Variants in HNRNPC observed in about 807,000 individuals in gnomAD.
The protein encoded by HNRNPC is heterogeneous nuclear ribonucleoprotein C, also known as heterogeneous nuclear ribonucleoproteins C1/C2.
Under a neutral mutation model 33.2 loss-of-function variants are expected in HNRNPC, and 3 were observed. That is an observed-to-expected ratio of 0.09 (90% CI 0.04 to 0.23). The LOEUF is 0.23. Among genes scored for constraint, HNRNPC ranks in the 10% least tolerant of loss-of-function variants. The pLI, the probability that HNRNPC is intolerant of heterozygous loss-of-function variation, is 1.00. For missense variants in HNRNPC, 143 were observed against 366.7 expected (o/e 0.39, Z 4.98); for synonymous variants, 121 against 126.7 (o/e 0.96, Z 0.30).
chr14:21,247,527 AT>A (rs746291516), intron 2 of HNRNPC, among the ~76,000 whole-genome samples: 16 of 152,156 alleles, frequency 1.1e-4, no homozygotes, highest in Non-Finnish European at 2.2e-4. Flanking sequence ...TTAGTTTTCT[AT>A]TTTTTGTACC....
chr14:21,255,464 G>C (rs541658951), intron 2 of HNRNPC, among the ~76,000 whole-genome samples: 31 of 152,168 alleles, frequency 2.0e-4, no homozygotes, highest in Non-Finnish European at 3.2e-4. Context: ...GTTGATACAG[G>C]CAACACGGTA....
At chr14:21,247,934 T>G (rs898992885) in intron 2 of HNRNPC, among the ~76,000 whole-genome samples, 1 of 151,250 alleles carries the variant, frequency 6.6e-6, no homozygotes, top group Non-Finnish European at 1.5e-5. Flanking sequence ...GAGGTTGCAG[T>G]GAGCCGAGAT....
chr14:21,214,594 GA>G (rs34990037), intron 5 of HNRNPC, among the ~76,000 whole-genome samples: 7,725 of 152,102 alleles, frequency 0.051, 458 homozygotes, highest in Admixed American at 0.18. Flanking sequence ...AAAGAAAACA[GA>G]AAAAAGTTTG....
chr14:21,262,668 T>C (rs1202196264), intron 2 of HNRNPC: 1 of 152,396 alleles, frequency 6.6e-6, no homozygotes, highest in Non-Finnish European at 1.5e-5. Context: ...TGGCTGCTGC[T>C]GCTCCAGGCT....
intron 2 of HNRNPC, among the ~76,000 whole-genome samples, chr14:21,246,879 C>T (rs1313367698): frequency 6.6e-6 from 1 of 152,208 alleles, no homozygotes. Flanking sequence ...TTTACTTCTA[C>T]TTAACAAAGT....
At chr14:21,254,719 A>C (rs924436023) in intron 2 of HNRNPC, 3 of 150,834 alleles carry the variant, frequency 2.0e-5, no homozygotes, top group African/African-American at 7.5e-5. Context: ...CAGCCTGGCC[A>C]GCATGGTGAA....
intron 5 of HNRNPC, among the ~76,000 whole-genome samples, chr14:21,219,785 C>T (rs1892622406): frequency 6.6e-6 from 1 of 152,160 alleles, no homozygotes; most frequent in African/African-American, 2.4e-5. Flanking sequence ...TAAACAACTG[C>T]TTACTTAATA....
intron 1 of HNRNPC, chr14:21,265,129 G>A (rs1016000582): frequency 6.6e-6 from 1 of 152,232 alleles, no homozygotes; most frequent in Non-Finnish European, 1.5e-5. Flanking sequence ...AGGAATGACA[G>A]TTAATTTTTA....
rs1891557621 is a variant in HNRNPC at position 21,211,242 on chromosome 14, T to C, written c.863A>G (p.Asn288Ser). Residue 288 changes from asparagine to serine, a missense_variant, in exon 9 of 9, where the codon AAT becomes AGT. This residue lies in a region of HNRNPC where 131 missense variants were observed against 253.0 expected (regional missense o/e 0.52). Transcript: ENST00000553300. ...ATGTGCTTAAGAGTCATCCTCGCCA[T>C]TGGCGCTGTCTCTGTCATCCTCTCC... ...EEGEDDRDSA[N>S]GEDDS 2 of 1,613,966 alleles carry C rather than the reference T, an allele frequency of 1.2e-6. No homozygotes were observed. Among genetic ancestry groups the C allele is most frequent in the Non-Finnish European group, 1.7e-6 (2 of 1,179,984 alleles).
chr14:21,232,130 G>A (rs1420457934), intron 3 of HNRNPC, among the ~76,000 whole-genome samples: 1 of 152,078 alleles, frequency 6.6e-6, no homozygotes, highest in Non-Finnish European at 1.5e-5. Flanking sequence ...TAACACGTAT[G>A]CCCAGCTACC....
At chr14:21,234,927 T>C (rs1894518327) in intron 2 of HNRNPC, 1 of 146,556 alleles carries the variant, frequency 6.8e-6, no homozygotes, top group Admixed American at 6.8e-5. Flanking sequence ...AAGGCTACTT[T>C]TTATATAACC....
intron 2 of HNRNPC, among the ~76,000 whole-genome samples, chr14:21,261,297 GAATT>G (rs1566648141): frequency 3.3e-5 from 5 of 152,070 alleles, no homozygotes; most frequent in South Asian, 2.1e-4. Context: ...TAAATTTGTA[GAATT>G]AACAAGGAAT....
chr14:21,254,781 C>A (rs888562983), intron 2 of HNRNPC, among the ~76,000 whole-genome samples: 3 of 152,138 alleles, frequency 2.0e-5, no homozygotes, highest in Non-Finnish European at 4.4e-5. Context: ...TGGCAGGCGC[C>A]TGTAATCCCA....
chr14:21,214,417 A>T (rs1430766257), intron 5 of HNRNPC, among the ~76,000 whole-genome samples: 1 of 152,220 alleles, frequency 6.6e-6, no homozygotes, highest in Non-Finnish European at 1.5e-5. Flanking sequence ...CTATTTCAAC[A>T]AAGCAATGTT....
intron 2 of HNRNPC, among the ~76,000 whole-genome samples, chr14:21,238,886 G>A (rs1278919705): frequency 6.6e-6 from 1 of 152,144 alleles, no homozygotes; most frequent in African/African-American, 2.4e-5. Context: ...CAGCTCTTTG[G>A]GAGACTGAGG....
chr14:21,230,257 G>A, intron 5 of HNRNPC, 62 bp downstream of exon 5: 1 of 1,222,418 alleles, frequency 8.2e-7, no homozygotes, highest in Non-Finnish European at 1.2e-6. Context: ...CCACAAACCA[G>A]AAGAACGAAA....
At chr14:21,212,337 T>C (rs1891705756) in intron 6 of HNRNPC, among the ~76,000 whole-genome samples, 1 of 152,060 alleles carries the variant, frequency 6.6e-6, no homozygotes. Flanking sequence ...ATATTTCCAG[T>C]TACAGGAGGA....
At position 21,225,776 on chromosome 14, in the gene HNRNPC, T is replaced by A. The variant is rs1326409959; in HGVS notation, c.365+4543A>T. Among the ~76,000 whole-genome samples the A allele has an allele frequency of 2.0e-5, 3 of 152,264 alleles. No individual in the cohort carries two copies. The East Asian group carries it at 5.8e-4, about 29-fold the overall frequency. Reference sequence around the variant, plus strand: ...TTCACATACCATAAAATTCACCATTTAAAAGGGTGCCACTCCGTGGTTTTT... The same window carrying A: ...TTCACATACCATAAAATTCACCATTAAAAAGGGTGCCACTCCGTGGTTTTT... On this transcript the variant is annotated intron_variant, in intron 5 of 8. Transcript: ENST00000553300.
At chr14:21,238,921 G>A (rs1052273654) in intron 2 of HNRNPC, among the ~76,000 whole-genome samples, 2 of 152,252 alleles carry the variant, frequency 1.3e-5, no homozygotes, top group Middle Eastern at 3.4e-3. Context: ...CAGGTCAGGA[G>A]TTCAAGGCCA....
Sources: allele counts gnomAD v4.1 joint callset (sites outside exome capture counted in the v4.1 genomes callset), GRCh38; gene constraint gnomAD v4.1.1; regional missense constraint gnomAD v4.1.1; transcripts MANE v1.5; gene names NCBI Gene and HGNC (gene_info 2026-07-23, HGNC 2026-07-21).